Variants in UBE2F observed in about 807,000 individuals in gnomAD.
UBE2F encodes ubiquitin conjugating enzyme E2 F (putative).
A neutral mutation model predicts 29.6 loss-of-function variants in UBE2F; 5 were observed. That is an observed-to-expected ratio of 0.17 (90% CI 0.09 to 0.36). The LOEUF (loss-of-function observed/expected upper bound fraction) is 0.36, where lower values mean the gene tolerates loss of function less well. Ranked by LOEUF, UBE2F falls within the 10% of genes least tolerant of loss-of-function variation. The pLI is 1.00. For synonymous variants in UBE2F, 66 were observed against 81.8 expected (o/e 0.81, Z 1.04); for missense variants, 141 against 228.5 (o/e 0.62, Z 2.47).
chr2:238,036,904 C>T (rs1312291959), intron 9 of UBE2F, among the ~76,000 whole-genome samples: 2 of 152,268 alleles, frequency 1.3e-5, no homozygotes, highest in African/African-American at 2.4e-5. Flanking sequence ...CCCCCAGCGG[C>T]CCACCTTATC....
chr2:237,977,638 A>T (rs1276079491), intron 2 of UBE2F, among the ~76,000 whole-genome samples: 2 of 152,040 alleles, frequency 1.3e-5, no homozygotes, highest in Non-Finnish European at 2.9e-5. Context: ...CTGGGGAGTT[A>T]TGGCGGAAGT....
intron 6 of UBE2F, among the ~76,000 whole-genome samples, chr2:238,026,064 C>T (rs2064420331): frequency 6.6e-6 from 1 of 152,204 alleles, no homozygotes; most frequent in African/African-American, 2.4e-5. Flanking sequence ...TTTTTCTGCA[C>T]TTTGTCCCTT....
intron 3 of UBE2F, among the ~76,000 whole-genome samples, chr2:237,988,590 T>C (rs1431539799): frequency 1.4e-5 from 2 of 145,240 alleles, no homozygotes; most frequent in East Asian, 4.2e-4. Context: ...CACTCCAGCC[T>C]GGGTGACAGA....
At chr2:237,998,888 C>T (rs1264800153) in intron 4 of UBE2F, among the ~76,000 whole-genome samples, 4 of 151,970 alleles carry the variant, frequency 2.6e-5, no homozygotes, top group Admixed American at 6.6e-5. Flanking sequence ...CATGTATTTA[C>T]GGGCCATTTA....
Position 238,025,387 on chromosome 2 carries a change from A to G in UBE2F, c.328A>G (p.Thr110Ala). The change falls in exon 6 of 10, where the codon ACA becomes GCA. Residue 110 changes from threonine to alanine, a missense_variant. Physicochemically the swap from Thr to Ala is moderately conservative, Grantham distance 58 (BLOSUM62 0). Transcript: ENST00000272930. ...CLTKIWHPNI[T>A]ETGEICLSLL... is the part of the protein sequence containing the mutation. ...GACCAAGATCTGGCACCCCAACATC[A>G]CAGAGACAGGGGAAATATGTCTGAG... 6.2e-7 allele frequency: 1 copy of G among 1,614,014 alleles called. No individual in the cohort carries two copies. The highest frequency in any genetic ancestry group is 8.5e-7 in the Non-Finnish European group (1 of 1,179,924).
intron 8 of UBE2F, among the ~76,000 whole-genome samples, chr2:238,033,305 T>A (rs1307614518): frequency 6.6e-6 from 1 of 152,264 alleles, no homozygotes; most frequent in Non-Finnish European, 1.5e-5. Context: ...GGTTGGATTT[T>A]TTTTATACGA....
At chr2:238,015,540 A>G (rs900239690) in intron 4 of UBE2F, among the ~76,000 whole-genome samples, 25 of 152,172 alleles carry the variant, frequency 1.6e-4, no homozygotes, top group African/African-American at 5.8e-4. Context: ...TGCCAGTTTT[A>G]ACTACTAGAT....
intron 3 of UBE2F, among the ~76,000 whole-genome samples, chr2:237,988,464 G>T (rs1026796518): frequency 4.6e-5 from 7 of 151,336 alleles, no homozygotes; most frequent in African/African-American, 1.7e-4. Flanking sequence ...AAAAAAAATT[G>T]GATTAGCTGG....
At chr2:238,036,722 A>T (rs1396812071) in intron 9 of UBE2F, among the ~76,000 whole-genome samples, 2 of 152,176 alleles carry the variant, frequency 1.3e-5, no homozygotes. Context: ...GCTACTCAGG[A>T]GGCTAAGGTG....
At chr2:237,998,766 G>A (rs528115678) in intron 4 of UBE2F, among the ~76,000 whole-genome samples, 1 of 152,216 alleles carries the variant, frequency 6.6e-6, no homozygotes, top group East Asian at 1.9e-4. Flanking sequence ...GACCAGCACT[G>A]TATGAGAAGT....
At chr2:238,030,751 C>G in intron 7 of UBE2F, 138 bp downstream of exon 7, 1 of 685,068 alleles carries the variant, frequency 1.5e-6, no homozygotes, top group Non-Finnish European at 2.7e-6. Flanking sequence ...GCCTCCTCTT[C>G]TCCCTGCTGC....
chr2:238,021,811 C>A (rs1248198229), intron 5 of UBE2F, among the ~76,000 whole-genome samples: 1 of 152,158 alleles, frequency 6.6e-6, no homozygotes, highest in Non-Finnish European at 1.5e-5. Context: ...TGAAAACAGT[C>A]CCAGCCTCGA....
rs2063399772 is a variant in UBE2F at position 237,982,460 on chromosome 2, G to T, written c.119-5503G>T. 6.6e-6 allele frequency among the ~76,000 whole-genome samples: 1 copy of T among 152,098 alleles called. No homozygotes were observed. Among genetic ancestry groups the T allele is most frequent in the African/African-American group, 2.4e-5 (1 of 41,410 alleles). ...TTGCTTGTGTCATGCTGGCCCCTCT[G>T]CTTGCAATCCACAGTCGCTTACCAT... On this transcript the variant is annotated intron_variant, in intron 2 of 9. Transcript: ENST00000272930. This position sits in a 1 kb window ranked among gnomAD's most constrained non-coding sequence, Gnocchi z 4.1.
chr2:238,029,089 T>A (rs1158161038), intron 6 of UBE2F: 2 of 152,086 alleles, frequency 1.3e-5, no homozygotes, highest in African/African-American at 4.8e-5. Flanking sequence ...CATGAGAGTA[T>A]ATGGTGTGCC....
In UBE2F at chr2:237,972,907, G is replaced by A. The variant is rs1206548025; in HGVS notation, c.-16-185G>A. On this transcript the variant is annotated intron_variant, in intron 1 of 9. Transcript: ENST00000272930. ...CATAATTTTAAAAGTTAGGCTTATA[G>A]AGGATGGCATAGAGCTTCTCAAATG... 3.3e-5 allele frequency among the ~76,000 whole-genome samples: 5 copies of A among 152,134 alleles called. No individual in the cohort carries two copies. The East Asian group carries it at 9.6e-4, about 29-fold the overall frequency.
rs558472244 is a variant in UBE2F at position 238,037,476 on chromosome 2, G to A, written c.507+1536G>A. Among the ~76,000 whole-genome samples, 16 of 152,386 alleles carry A rather than the reference G, an allele frequency of 1.0e-4. No individual in the cohort carries two copies. In the East Asian group the frequency reaches 2.1e-3, roughly 20 times the overall value. On this transcript the variant is annotated intron_variant, in intron 9 of 9. Transcript: ENST00000272930. ...CAGAGGCAGGCCATGTGTGGCTGGC[G>A]TCGAGGTAGCTCAGCTTAGGCCAGG...
intron 4 of UBE2F, among the ~76,000 whole-genome samples, chr2:237,997,639 C>T (rs1158765750): frequency 6.6e-6 from 1 of 152,214 alleles, no homozygotes; most frequent in Non-Finnish European, 1.5e-5. Flanking sequence ...TGAAAACTCA[C>T]TAATATCTAT....
At chr2:238,020,188 G>T (rs1347909936) in intron 5 of UBE2F, among the ~76,000 whole-genome samples, 3 of 152,208 alleles carry the variant, frequency 2.0e-5, no homozygotes, top group Non-Finnish European at 2.9e-5. Flanking sequence ...TGTGAGCCCT[G>T]AGGGAGTGCC....
intron 4 of UBE2F, among the ~76,000 whole-genome samples, chr2:237,997,233 A>T (rs762054472): frequency 4.6e-5 from 7 of 152,200 alleles, no homozygotes; most frequent in African/African-American, 7.2e-5. Flanking sequence ...AAAAATAAAA[A>T]AAATAAATAA....
Sources: allele counts gnomAD v4.1 joint callset (sites outside exome capture counted in the v4.1 genomes callset), GRCh38; gene constraint gnomAD v4.1.1; non-coding constraint Gnocchi (gnomAD v3.1); transcripts MANE v1.5; gene names NCBI Gene and HGNC (gene_info 2026-07-23, HGNC 2026-07-21).